Variants in ASIC2 observed in about 807,000 individuals in gnomAD.
ASIC2 encodes acid-sensing ion channel 2.
In ASIC2, 25 loss-of-function variants were observed where a neutral mutation model predicts 57.3. The ratio of observed to expected loss-of-function variants is 0.44; its 90% CI spans 0.32 to 0.61. The LOEUF (loss-of-function observed/expected upper bound fraction) is 0.61. Among genes scored for constraint, ASIC2 ranks in the 20% least tolerant of loss-of-function variants. The pLI is 0.06. For missense variants in ASIC2, 641 were observed against 738.1 expected, an observed-to-expected ratio of 0.87 and a Z score of 1.52; for synonymous variants, 319 against 307.5, an observed-to-expected ratio of 1.04 and a Z score of -0.39.
At chr17:33,581,140 C>T (rs967179134) in intron 1 of ASIC2, 2 of 151,844 alleles carry the variant, frequency 1.3e-5, no homozygotes, top group Non-Finnish European at 2.9e-5. Flanking sequence ...CAATGTAATC[C>T]CATGTGTTCT....
In ASIC2 at chr17:34,016,443, A is replaced by G. The variant is rs534643870; in HGVS notation, c.555+139535T>C. Among the ~76,000 whole-genome samples, 44 of 151,092 alleles carry G rather than the reference A, an allele frequency of 2.9e-4. No homozygotes were observed. The East Asian group carries it at 8.4e-3, about 29-fold the overall frequency. ...CGTCTCAAAAAAAAAAAAAAAAAAA[A>G]AAAAGAAACAATGCAACTGCCCATC... On this transcript the variant is annotated intron_variant, in intron 1 of 9. Transcript: ENST00000359872.
In ASIC2 at chr17:33,745,592, T is replaced by C. The variant is rs80307513; in HGVS notation, c.555+410386A>G. On this transcript the variant is annotated intron_variant, in intron 1 of 9. Transcript: ENST00000359872. ...AAGGGAAACCCAATAAGATTAACCA[T>C]TGAATTCTTACCAGAAACAATGTAA... 3.5e-3 allele frequency among the ~76,000 whole-genome samples: 522 copies of C among 151,272 alleles called. 2 individuals carry two copies. Among genetic ancestry groups the C allele is most frequent in the Non-Finnish European group, 4.2e-3 (285 of 67,840 alleles).
At chr17:33,992,242 T>C (rs1170590472) in intron 1 of ASIC2, among the ~76,000 whole-genome samples, 1 of 152,202 alleles carries the variant, frequency 6.6e-6, no homozygotes, top group Non-Finnish European at 1.5e-5. Flanking sequence ...ATATCTCTCC[T>C]TTTGGGCAGA....
At chr17:33,613,594 C>G (rs1905492357) in intron 1 of ASIC2, among the ~76,000 whole-genome samples, 1 of 152,062 alleles carries the variant, frequency 6.6e-6, no homozygotes, top group African/African-American at 2.4e-5. Flanking sequence ...ATCTCGATCT[C>G]CTGACCTTGT....
At chr17:33,555,073 CTA>C (rs1289847737) in intron 1 of ASIC2, among the ~76,000 whole-genome samples, 2 of 152,130 alleles carry the variant, frequency 1.3e-5, no homozygotes, top group African/African-American at 4.8e-5. Context: ...GCTCCAATGT[CTA>C]TGTCTCAAAT....
intron 2 of ASIC2, among the ~76,000 whole-genome samples, chr17:33,098,197 A>C (rs2092191821): frequency 6.6e-6 from 1 of 152,182 alleles, no homozygotes; most frequent in Non-Finnish European, 1.5e-5. Context: ...ATCTCATTTT[A>C]ATCTCCTGCA....
At chr17:33,362,762 G>A (rs1480229567) in intron 1 of ASIC2, among the ~76,000 whole-genome samples, 2 of 152,060 alleles carry the variant, frequency 1.3e-5, no homozygotes, top group African/African-American at 4.8e-5. Flanking sequence ...TGCCTGACAT[G>A]AAAGAGACGC....
At chr17:33,028,533 A>G in intron 3 of ASIC2, 141 bp from the exon 4 acceptor site, 1 of 1,095,716 alleles carries the variant, frequency 9.1e-7, no homozygotes. Context: ...CTCCAATACT[A>G]GTTTTCTTAC....
intron 1 of ASIC2, among the ~76,000 whole-genome samples, chr17:34,086,824 G>C (rs1910128804): frequency 6.6e-6 from 1 of 152,086 alleles, no homozygotes; most frequent in African/African-American, 2.4e-5. Flanking sequence ...GATCTTTGTT[G>C]GTTTAAAGTC....
At chr17:33,513,367 A>T (rs1324031606) in intron 1 of ASIC2, among the ~76,000 whole-genome samples, 1 of 152,268 alleles carries the variant, frequency 6.6e-6, no homozygotes, top group Admixed American at 6.5e-5. Flanking sequence ...CTCTGAACAC[A>T]GCTTTAGCTG....
intron 1 of ASIC2, among the ~76,000 whole-genome samples, chr17:34,007,362 G>A (rs1377252861): frequency 1.3e-5 from 2 of 152,198 alleles, no homozygotes; most frequent in East Asian, 3.9e-4. Context: ...CTGGGGAGGT[G>A]AATGTGCTTG....
At chr17:33,828,415 G>T (rs1485240471) in intron 1 of ASIC2, 1 of 152,184 alleles carries the variant, frequency 6.6e-6, no homozygotes, top group Non-Finnish European at 1.5e-5. Flanking sequence ...TTTAGTCCTT[G>T]TGAGAAGGTA....
chr17:34,032,264 G>A (rs551226658), intron 1 of ASIC2, among the ~76,000 whole-genome samples: 80 of 152,254 alleles, frequency 5.3e-4, no homozygotes, highest in African/African-American at 1.8e-3. Flanking sequence ...GCCAAACTAA[G>A]CTTCATAAGT....
intron 1 of ASIC2, among the ~76,000 whole-genome samples, chr17:33,707,051 CTG>C (rs2142073314): frequency 6.6e-6 from 1 of 152,296 alleles, no homozygotes; most frequent in African/African-American, 2.4e-5. Flanking sequence ...ATCTAGGAAA[CTG>C]ATTTTACCTC....
At chr17:33,386,749 C>T (rs556469192) in intron 1 of ASIC2, among the ~76,000 whole-genome samples, 30 of 152,060 alleles carry the variant, frequency 2.0e-4, no homozygotes, top group Non-Finnish European at 3.8e-4. Flanking sequence ...GAAAGAGTGG[C>T]CCCTTCTGAT....
In ASIC2 at chr17:33,292,231, G is replaced by T; in HGVS notation, c.-116C>A. ...CGGCAGCCGCGCGCAGCCCGCGCCA[G>T]GGAAGCGTGCGCCCGAAAGGAGCTC... On this transcript the variant is annotated 5_prime_UTR_variant, in exon 1 of 10. In the 5' UTR this introduces an upstream ATG that the reference lacks. Coordinates refer to ENST00000225823, the MANE Select transcript of ASIC2 (RefSeq NM_183377.2). The T allele has an allele frequency of 1.0e-6, 1 of 998,998 alleles. No homozygotes were observed. The highest frequency in any genetic ancestry group is 1.2e-6 in the Non-Finnish European group (1 of 840,728). 61.9% of individuals were successfully genotyped at this position (998,998 alleles called of 1,614,324 possible). A position where few individuals can be genotyped will look rare whatever the true frequency, so the allele number is the denominator to read the frequency against.
At chr17:33,319,609 T>C (rs150225411) in intron 1 of ASIC2, among the ~76,000 whole-genome samples, 1 of 152,158 alleles carries the variant, frequency 6.6e-6, no homozygotes, top group Admixed American at 6.6e-5. Context: ...GTAAATGGGG[T>C]ATTCACCACC....
At chr17:33,699,990 G>GA (rs1555552942) in intron 1 of ASIC2, among the ~76,000 whole-genome samples, 38 of 145,648 alleles carry the variant, frequency 2.6e-4, no homozygotes, top group Middle Eastern at 3.5e-3. Context: ...ATGCTTAATG[G>GA]AAAAAAAAAC....
intron 1 of ASIC2, among the ~76,000 whole-genome samples, chr17:33,857,533 A>G (rs955959927): frequency 1.3e-5 from 2 of 152,176 alleles, no homozygotes; most frequent in South Asian, 4.1e-4. Flanking sequence ...GGAAGTGAGA[A>G]GTCTAGGCTC....
Sources: allele counts gnomAD v4.1 joint callset (sites outside exome capture counted in the v4.1 genomes callset), GRCh38; gene constraint gnomAD v4.1.1; transcripts MANE v1.5; gene names NCBI Gene and HGNC (gene_info 2026-07-23, HGNC 2026-07-21).